The following RAB3C variants were observed in gnomAD, a reference collection of about 807,000 sequenced individuals.
RAB3C encodes ras-related protein Rab-3C.
A neutral mutation model predicts 26.4 loss-of-function variants in RAB3C; 17 were observed. The ratio of observed to expected loss-of-function variants is 0.64; its 90% CI spans 0.44 to 0.97. RAB3C has a LOEUF of 0.97. Ranked by LOEUF, RAB3C falls within the 50% of genes least tolerant of loss-of-function variation. The pLI, the probability that RAB3C is intolerant of heterozygous loss-of-function variation, is 0.00. For missense variants in RAB3C, 242 were observed against 281.9 expected (o/e 0.86, Z 1.01); for synonymous variants, 91 against 95.9 (o/e 0.95, Z 0.30).
At chr5:58,733,639 G>A (rs944753089) in intron 3 of RAB3C, among the ~76,000 whole-genome samples, 5 of 152,124 alleles carry the variant, frequency 3.3e-5, no homozygotes, top group Admixed American at 1.3e-4. Context: ...ATAAATTAAC[G>A]AATGATTTGT....
intron 3 of RAB3C, among the ~76,000 whole-genome samples, chr5:58,752,502 C>T (rs1330217726): frequency 6.6e-6 from 1 of 151,516 alleles, no homozygotes; most frequent in Non-Finnish European, 1.5e-5. Flanking sequence ...AAGAGAAAGA[C>T]ATATTCCGTG....
chr5:58,791,755 G>T (rs919368448), intron 3 of RAB3C, among the ~76,000 whole-genome samples: 3 of 152,158 alleles, frequency 2.0e-5, no homozygotes, highest in African/African-American at 7.2e-5. Flanking sequence ...CAGGTATAAT[G>T]ATATCTTTTA....
At chr5:58,602,935 CTG>C in intron 1 of RAB3C, among the ~76,000 whole-genome samples, 1 of 152,210 alleles carries the variant, frequency 6.6e-6, no homozygotes, top group African/African-American at 2.4e-5. Context: ...TAATAAGGTT[CTG>C]TTTTGATGTG....
At chr5:58,689,349 T>C (rs1561290049) in intron 2 of RAB3C, 2 of 152,178 alleles carry the variant, frequency 1.3e-5, no homozygotes, top group Non-Finnish European at 2.9e-5. Flanking sequence ...CACAATGAAT[T>C]CCTAACTTTT....
intron 2 of RAB3C, among the ~76,000 whole-genome samples, chr5:58,689,490 A>T (rs1042414518): frequency 6.6e-6 from 1 of 151,964 alleles, no homozygotes; most frequent in Admixed American, 6.6e-5. Flanking sequence ...TTTTATTTTT[A>T]TTTTATTTAC....
chr5:58,763,322 C>A (rs1219126514), intron 3 of RAB3C, among the ~76,000 whole-genome samples: 1 of 152,144 alleles, frequency 6.6e-6, no homozygotes, highest in African/African-American at 2.4e-5. Flanking sequence ...ATGGGCAGGT[C>A]AGAGAGATTA....
intron 2 of RAB3C, among the ~76,000 whole-genome samples, chr5:58,672,931 C>A (rs543489603): frequency 1.3e-5 from 2 of 152,266 alleles, no homozygotes; most frequent in Admixed American, 6.5e-5. Flanking sequence ...TTGTTAAAGT[C>A]TACCCCATTT....
intron 2 of RAB3C, among the ~76,000 whole-genome samples, chr5:58,705,254 G>A (rs551859939): frequency 3.3e-5 from 5 of 151,956 alleles, no homozygotes; most frequent in Non-Finnish European, 5.9e-5. Flanking sequence ...TTTTAAGTTC[G>A]TATTTATAAG....
At chr5:58,810,275 A>G (rs960855443) in intron 3 of RAB3C, among the ~76,000 whole-genome samples, 4 of 152,182 alleles carry the variant, frequency 2.6e-5, no homozygotes, top group Admixed American at 1.3e-4. Flanking sequence ...GGCAAGAAAC[A>G]TATTCAAGAG....
At chr5:58,767,325 C>G (rs1448345563) in intron 3 of RAB3C, among the ~76,000 whole-genome samples, 1 of 152,116 alleles carries the variant, frequency 6.6e-6, no homozygotes, top group African/African-American at 2.4e-5. Flanking sequence ...AACAGGCACT[C>G]TAGTTTTCTT....
At chr5:58,797,368 A>ATATATAT (rs1464292932) in intron 3 of RAB3C, among the ~76,000 whole-genome samples, 559 of 22,706 alleles carry the variant, frequency 0.025, 29 homozygotes, top group African/African-American at 0.068. Flanking sequence ...GTATATATAT[A>ATATATAT]ATATATATAT....
chr5:58,633,459 G>A (rs1747227623), intron 2 of RAB3C, among the ~76,000 whole-genome samples: 1 of 152,178 alleles, frequency 6.6e-6, no homozygotes, highest in African/African-American at 2.4e-5. Flanking sequence ...CATAACTTGT[G>A]TATTTGTGTG....
chr5:58,698,773 A>G (rs1267748472), intron 2 of RAB3C, among the ~76,000 whole-genome samples: 3 of 152,172 alleles, frequency 2.0e-5, no homozygotes, highest in African/African-American at 4.8e-5. Context: ...TTTCAGCTCC[A>G]TCAGGTCATT....
intron 3 of RAB3C, among the ~76,000 whole-genome samples, chr5:58,746,641 T>C (rs1285340560): frequency 6.6e-6 from 1 of 152,202 alleles, no homozygotes; most frequent in Non-Finnish European, 1.5e-5. Context: ...ACAGCTAGAC[T>C]GGAAAGCAGT....
intron 1 of RAB3C, among the ~76,000 whole-genome samples, chr5:58,607,976 A>G (rs546406955): frequency 7.3e-4 from 111 of 152,288 alleles, no homozygotes; most frequent in Non-Finnish European, 1.2e-3. Context: ...CACTGCAAAA[A>G]CATCCCAAAT....
rs141235903 is a variant in RAB3C, at chr5:58,716,068, A to C, written c.253-9934A>C. Among the ~76,000 whole-genome samples, 1,390 of 148,378 alleles carry C rather than the reference A, an allele frequency of 9.4e-3. 19 individuals carry two copies. The highest frequency in any genetic ancestry group is 0.033 in the African/African-American group (1,322 of 40,264). On this transcript the variant is annotated intron_variant, in intron 2 of 4. Transcript: ENST00000282878. ...AAGGAAAAAAAATAATAAATAAATA[A>C]ATACATAAAAGTCTTTCAGCAGGAA...
intron 4 of RAB3C, among the ~76,000 whole-genome samples, chr5:58,840,090 T>C (rs901803252): frequency 1.3e-5 from 2 of 152,044 alleles, no homozygotes; most frequent in Non-Finnish European, 2.9e-5. Context: ...TCTTTTCTGC[T>C]TCCCAAAACA....
intron 3 of RAB3C, among the ~76,000 whole-genome samples, chr5:58,737,744 T>C (rs1741181941): frequency 6.6e-6 from 1 of 152,100 alleles, no homozygotes; most frequent in Admixed American, 6.6e-5. Context: ...GACTGAGAGC[T>C]GGAATAGTAT....
chr5:58,597,018 A>C (rs1746299358), intron 1 of RAB3C, among the ~76,000 whole-genome samples: 1 of 84,374 alleles, frequency 1.2e-5, no homozygotes, highest in Non-Finnish European at 2.0e-5. Flanking sequence ...TAAATATATA[A>C]TAATATAATA....
Sources: allele counts gnomAD v4.1 joint callset (sites outside exome capture counted in the v4.1 genomes callset), GRCh38; gene constraint gnomAD v4.1.1; transcripts MANE v1.5; gene names NCBI Gene and HGNC (gene_info 2026-07-23, HGNC 2026-07-21).